MED12L: variants seen among roughly 807,000 people sequenced by gnomAD.
The protein encoded by MED12L is mediator complex subunit 12L.
In MED12L, 60 loss-of-function variants were observed where a neutral mutation model predicts 281.3. The ratio of observed to expected loss-of-function variants is 0.21; its 90% CI spans 0.17 to 0.26. The LOEUF (loss-of-function observed/expected upper bound fraction) is 0.26. Among genes scored for constraint, MED12L ranks in the 10% least tolerant of loss-of-function variants. The pLI is 1.00. For missense variants in MED12L, 2,146 were observed against 2,680.9 expected (o/e 0.80, Z 4.41); for synonymous variants, 974 against 987.2 (o/e 0.99, Z 0.25).
intron 16 of MED12L, among the ~76,000 whole-genome samples, chr3:151,284,372 A>G (rs1743192749): frequency 6.6e-6 from 1 of 152,066 alleles, no homozygotes; most frequent in African/African-American, 2.4e-5. Flanking sequence ...TTAGCTAAGC[A>G]CACTTATTTT....
intron 16 of MED12L, among the ~76,000 whole-genome samples, chr3:151,243,593 C>T (rs1209909796): frequency 6.6e-6 from 1 of 151,882 alleles, no homozygotes; most frequent in Non-Finnish European, 1.5e-5. Context: ...ACCAGGCCTG[C>T]CCTAAAAGAG....
At chr3:151,213,458 T>A in intron 16 of MED12L, 1 of 1,614,216 alleles carries the variant, frequency 6.2e-7, no homozygotes. Context: ...AAGCATACAT[T>A]TGCAGCAGAT....
chr3:151,085,995 C>G (rs1306209941), intron 1 of MED12L, 59 bp downstream of exon 1: 6 of 152,192 alleles, frequency 3.9e-5, no homozygotes, highest in African/African-American at 1.4e-4. Flanking sequence ...GGGGAGGCGG[C>G]GGGCTGGAGG....
At chr3:151,271,386 T>C (rs1405367481) in intron 16 of MED12L, among the ~76,000 whole-genome samples, 1 of 152,234 alleles carries the variant, frequency 6.6e-6, no homozygotes, top group Non-Finnish European at 1.5e-5. Flanking sequence ...GAATAATTGA[T>C]ACTTTGGTAT....
chr3:151,396,890 A>G (rs543618787), intron 39 of MED12L, among the ~76,000 whole-genome samples: 2 of 152,186 alleles, frequency 1.3e-5, no homozygotes, highest in Non-Finnish European at 1.5e-5. Context: ...TCAGCTAGAA[A>G]TTTTTTTAAA....
chr3:151,265,758 A>G (rs1259854543), intron 16 of MED12L, among the ~76,000 whole-genome samples: 2 of 152,094 alleles, frequency 1.3e-5, no homozygotes, highest in African/African-American at 4.8e-5. Flanking sequence ...AGAGTATAGT[A>G]TTTCTGGTTC....
At chr3:151,329,491 A>T (rs1750106679) in intron 16 of MED12L, 10 of 1,545,718 alleles carry the variant, frequency 6.5e-6, no homozygotes, top group East Asian at 2.5e-5. Flanking sequence ...CTTTGGGAGG[A>T]TACTCAGTTC....
At chr3:151,257,137 T>C (rs762909311) in intron 16 of MED12L, among the ~76,000 whole-genome samples, 16 of 152,202 alleles carry the variant, frequency 1.1e-4, no homozygotes, top group African/African-American at 3.6e-4. Flanking sequence ...CTGTTAAGTT[T>C]TCTAGAACCA....
chr3:151,434,771 A>G lies in MED12L; in HGVS notation c.*1967A>G. The G allele has an allele frequency of 6.6e-6, 1 of 152,390 alleles. No individual in the cohort carries two copies. The highest frequency in any genetic ancestry group is 1.9e-4 in the East Asian group (1 of 5,192). The allele number at this position is 152,390 out of a possible 1,614,324, so 9.4% of individuals were successfully genotyped here. ...CATATATTTTGTAGCTCAGCATTGCAAACAACAGTAATACTGTTTTAAGAA... is the reference window on the plus strand; with the variant it reads ...CATATATTTTGTAGCTCAGCATTGCGAACAACAGTAATACTGTTTTAAGAA... On this transcript the variant is annotated 3_prime_UTR_variant, in exon 45 of 45. Coordinates refer to ENST00000687756, the MANE Select transcript of MED12L (RefSeq NM_001393769.1).
Position 151,214,457 on chromosome 3 carries a change from C to G in MED12L, c.2250+20791C>G, listed in dbSNP as rs550547312. 7.5e-5 allele frequency: 48 copies of G among 642,322 alleles called. No individual in the cohort carries two copies. The South Asian group carries it at 9.3e-4, about 12-fold the overall frequency. 39.8% of individuals were successfully genotyped at this position (642,322 alleles called of 1,614,324 possible). A position where few individuals can be genotyped will look rare whatever the true frequency, so the allele number is the denominator to read the frequency against. On this transcript the variant is annotated intron_variant, in intron 16 of 44. Transcript: ENST00000687756. ...AAACCTACCAAATTTTTGAAGCCAC[C>G]TTTTTACTCTGTGTAAGTTAGACAC...
At chr3:151,183,644 T>A (rs1304957980) in intron 11 of MED12L, among the ~76,000 whole-genome samples, 1 of 152,274 alleles carries the variant, frequency 6.6e-6, no homozygotes, top group Non-Finnish European at 1.5e-5. Flanking sequence ...TGAAGAAATC[T>A]GTTCTCCCAC....
At chr3:151,427,404 C>T (rs1718996282) in intron 43 of MED12L, among the ~76,000 whole-genome samples, 1 of 152,150 alleles carries the variant, frequency 6.6e-6, no homozygotes, top group Admixed American at 6.5e-5. Context: ...CCTGAACTCC[C>T]CAACACACAC....
rs534806636 is a variant in MED12L at position 151,271,655 on chromosome 3, A to T, written c.2250+77989A>T. Among the ~76,000 whole-genome samples, 21 of 152,354 alleles carry T rather than the reference A, an allele frequency of 1.4e-4. No individual in the cohort carries two copies. In the South Asian group the frequency reaches 2.3e-3, roughly 17 times the overall value. On this transcript the variant is annotated intron_variant, in intron 16 of 44. Coordinates refer to ENST00000687756, the MANE Select transcript of MED12L (RefSeq NM_001393769.1). ...AAACAAATTGTGGTATACTCATAGA[A>T]TACCATATGGTGATCCGGAGGATGA...
At chr3:151,138,457 A>AT (rs1716468620) in intron 5 of MED12L, among the ~76,000 whole-genome samples, 3 of 152,332 alleles carry the variant, frequency 2.0e-5, no homozygotes, top group Admixed American at 2.0e-4. Flanking sequence ...ATTGATTATT[A>AT]TAAAAGTCAG....
chr3:151,245,181 AC>A (rs1044981614), intron 16 of MED12L, among the ~76,000 whole-genome samples: 25 of 152,242 alleles, frequency 1.6e-4, no homozygotes, highest in Non-Finnish European at 2.5e-4. Context: ...GCTGAATTCT[AC>A]CAGAGGTATA....
chr3:151,432,602 C>G, intron 44 of MED12L, 150 bp from the exon 45 acceptor site: 1 of 578,392 alleles, frequency 1.7e-6, no homozygotes, highest in South Asian at 2.6e-5. Context: ...AATCCCACCA[C>G]AAGGGTTTTT....
At position 151,372,580 on chromosome 3, in the gene MED12L, T is replaced by G. The variant is rs749079299; in HGVS notation, c.3678T>G (p.Ile1226Met). 1 of 1,613,720 alleles carries G rather than the reference T, an allele frequency of 6.2e-7. No individual in the cohort carries two copies. Among genetic ancestry groups the G allele is most frequent in the South Asian group, 1.1e-5 (1 of 91,068 alleles). Reference sequence around the variant, plus strand: ...TCTATTACTTAGGAGATGCCAAAATTGGCAATAACAGTGTCAGCTCTTTAA... The same window carrying G: ...TCTATTACTTAGGAGATGCCAAAATGGGCAATAACAGTGTCAGCTCTTTAA... The part of the protein sequence containing the change: ...KAIMMLGDAK[I>M]GNNSVSSLKN... Residue 1226 changes from isoleucine (I) to methionine (M), a missense_variant, in exon 27 of 45, where the codon ATT becomes ATG. Physicochemically the swap from Ile to Met is conservative, Grantham distance 10 (BLOSUM62 1). Transcript: ENST00000687756.
At chr3:151,343,777 TCTACTAAAGG>T (rs1752189162) in intron 16 of MED12L, among the ~76,000 whole-genome samples, 1 of 152,112 alleles carries the variant, frequency 6.6e-6, no homozygotes, top group Non-Finnish European at 1.5e-5. Flanking sequence ...TTTTACCAAG[TCTACTAAAGG>T]TAGTCTGCTC....
chr3:151,298,739 G>C (rs1458712591), intron 16 of MED12L, among the ~76,000 whole-genome samples: 3 of 152,204 alleles, frequency 2.0e-5, no homozygotes, highest in Non-Finnish European at 4.4e-5. Flanking sequence ...GACTGAGTGT[G>C]TGTGTTGGGG....
Sources: gnomAD v4.1 joint callset for allele counts (sites outside exome capture counted in the v4.1 genomes callset) on GRCh38, gnomAD v4.1.1 for gene constraint, MANE v1.5 for transcripts, NCBI Gene and HGNC (gene_info 2026-07-23, HGNC 2026-07-21) for gene names.